The following CPQ variants were observed in gnomAD, a reference collection of about 807,000 sequenced individuals.
CPQ encodes Ser-Met dipeptidase.
A neutral mutation model predicts 45.7 loss-of-function variants in CPQ; 37 were observed. The observed-to-expected ratio is 0.81, with a 90% CI of 0.62 to 1.07. CPQ has a LOEUF of 1.07. Among genes scored for constraint, CPQ ranks in the 50% least tolerant of loss-of-function variants. CPQ has a pLI of 0.00. For synonymous variants in CPQ, 186 were observed against 205.8 expected, an observed-to-expected ratio of 0.90 and a Z score of 0.82; for missense variants, 537 against 572.9, an observed-to-expected ratio of 0.94 and a Z score of 0.64.
intron 1 of CPQ, among the ~76,000 whole-genome samples, chr8:96,666,129 G>A (rs1360127438): frequency 2.0e-5 from 3 of 152,066 alleles, no homozygotes; most frequent in Admixed American, 6.5e-5. Flanking sequence ...AATGATTTTC[G>A]TGGGCTCTGG....
At chr8:96,992,166 TTTTAGTGACAAAGATAATTAGGTAC>T (rs1001010020) in intron 5 of CPQ, among the ~76,000 whole-genome samples, 5 of 152,236 alleles carry the variant, frequency 3.3e-5, no homozygotes, top group Non-Finnish European at 5.9e-5. Flanking sequence ...GTATGAGTAT[TTTTAGTGACAAAGATAATTAGGTAC>T]TTTAGTGACA....
At chr8:96,909,975 A>G (rs1379673218) in intron 4 of CPQ, among the ~76,000 whole-genome samples, 1 of 152,080 alleles carries the variant, frequency 6.6e-6, no homozygotes, top group Non-Finnish European at 1.5e-5. Flanking sequence ...CAGGTTGAGC[A>G]CGGGATTTGG....
chr8:96,738,278 T>C (rs1385769519), intron 1 of CPQ, among the ~76,000 whole-genome samples: 1 of 152,156 alleles, frequency 6.6e-6, no homozygotes, highest in African/African-American at 2.4e-5. Flanking sequence ...TGTTGCTGTT[T>C]GACATATCAG....
chr8:96,736,115 G>A (rs1225180344), intron 1 of CPQ, among the ~76,000 whole-genome samples: 2 of 152,190 alleles, frequency 1.3e-5, no homozygotes, highest in Non-Finnish European at 2.9e-5. Context: ...CAATTTGCTT[G>A]TGCCCCCTGG....
intron 1 of CPQ, among the ~76,000 whole-genome samples, chr8:96,699,098 A>T (rs1563472518): frequency 1.3e-5 from 2 of 152,314 alleles, no homozygotes; most frequent in Middle Eastern, 3.4e-3. Context: ...CCATCAACAG[A>T]TGAATGGATA....
chr8:96,948,902 T>C (rs889163910), intron 4 of CPQ, among the ~76,000 whole-genome samples: 4 of 152,222 alleles, frequency 2.6e-5, no homozygotes, highest in Middle Eastern at 3.4e-3. Context: ...TATGTCCTTC[T>C]TTGTCTCTTG....
intron 1 of CPQ, among the ~76,000 whole-genome samples, chr8:96,655,425 ACTT>A (rs1359586519): frequency 2.0e-5 from 3 of 151,222 alleles, no homozygotes; most frequent in African/African-American, 7.3e-5. Flanking sequence ...TATTGTTTCT[ACTT>A]CTTCTATATT....
intron 3 of CPQ, among the ~76,000 whole-genome samples, chr8:96,862,738 C>A (rs928085259): frequency 3.9e-5 from 6 of 152,108 alleles, no homozygotes; most frequent in Non-Finnish European, 8.8e-5. Flanking sequence ...GGAAACATGA[C>A]TGTCTAAAAT....
intron 5 of CPQ, among the ~76,000 whole-genome samples, chr8:96,983,230 T>A (rs1457579987): frequency 1.3e-5 from 2 of 152,228 alleles, no homozygotes; most frequent in East Asian, 3.8e-4. Context: ...TCCTTTTGTT[T>A]ATTTCTTCTA....
intron 1 of CPQ, among the ~76,000 whole-genome samples, chr8:96,741,977 G>T (rs540026119): frequency 6.9e-6 from 1 of 144,262 alleles, no homozygotes; most frequent in Non-Finnish European, 1.5e-5. Flanking sequence ...GAGTTCTGTA[G>T]ATGTCTATTA....
chr8:97,014,641 C>G (rs1172350753), intron 5 of CPQ, among the ~76,000 whole-genome samples: 1 of 58,604 alleles, frequency 1.7e-5, no homozygotes, highest in East Asian at 5.6e-4. Flanking sequence ...GACTCCATCT[C>G]AAAAAAAAAA....
chr8:96,752,430 C>A (rs1039387275), intron 1 of CPQ, among the ~76,000 whole-genome samples: 1 of 151,718 alleles, frequency 6.6e-6, no homozygotes, highest in Non-Finnish European at 1.5e-5. Flanking sequence ...GCTCTGCTTG[C>A]CTGTTGTTGG....
At chr8:97,008,612 T>G (rs572546071) in intron 5 of CPQ, among the ~76,000 whole-genome samples, 1 of 152,188 alleles carries the variant, frequency 6.6e-6, no homozygotes, top group Non-Finnish European at 1.5e-5. Context: ...ACGTGTACAA[T>G]GGAGGCTTAA....
intron 3 of CPQ, among the ~76,000 whole-genome samples, chr8:96,868,387 G>A (rs548342441): frequency 6.6e-5 from 10 of 152,130 alleles, no homozygotes; most frequent in African/African-American, 2.4e-4. Context: ...TTATGTGGCA[G>A]GTCATCATAT....
At chr8:97,048,664 T>C (rs945373637) in intron 6 of CPQ, among the ~76,000 whole-genome samples, 2 of 152,212 alleles carry the variant, frequency 1.3e-5, no homozygotes, top group African/African-American at 2.4e-5. Context: ...TCTTCTTCAA[T>C]GAAAGGTGGC....
intron 5 of CPQ, among the ~76,000 whole-genome samples, chr8:97,028,847 A>G (rs1421108114): frequency 6.6e-6 from 1 of 152,174 alleles, no homozygotes; most frequent in East Asian, 1.9e-4. Context: ...ATGACCTTCT[A>G]TTTCCAAGTA....
At chr8:97,087,872 A>C (rs1811066430) in intron 7 of CPQ, among the ~76,000 whole-genome samples, 1 of 152,224 alleles carries the variant, frequency 6.6e-6, no homozygotes, top group South Asian at 2.1e-4. Flanking sequence ...CTTAAAAATA[A>C]ATGGTACATT....
At chr8:96,854,260 G>A (rs1206426557) in intron 3 of CPQ, among the ~76,000 whole-genome samples, 2 of 151,880 alleles carry the variant, frequency 1.3e-5, no homozygotes, top group South Asian at 2.1e-4. Flanking sequence ...GGCCGGGCGC[G>A]GTGGCTCACG....
At chr8:96,669,583 G>C (rs1175486793) in intron 1 of CPQ, among the ~76,000 whole-genome samples, 1 of 152,050 alleles carries the variant, frequency 6.6e-6, no homozygotes, top group Non-Finnish European at 1.5e-5. Context: ...AAAAAACCTA[G>C]AGAAACAAAA....
Sources: gnomAD v4.1 joint callset for allele counts (sites outside exome capture counted in the v4.1 genomes callset) on GRCh38, gnomAD v4.1.1 for gene constraint, MANE v1.5 for transcripts, NCBI Gene and HGNC (gene_info 2026-07-23, HGNC 2026-07-21) for gene names.